IPO8: variants seen among roughly 807,000 people sequenced by gnomAD.
IPO8 encodes the protein importin 8.
Under a neutral mutation model 141.2 loss-of-function variants are expected in IPO8, and 65 were observed. The ratio of observed to expected loss-of-function variants is 0.46; its 90% CI spans 0.38 to 0.57. IPO8 has a LOEUF of 0.57. IPO8 is among the 20% of genes least tolerant of loss of function. The pLI is 0.00. For synonymous variants in IPO8, 411 were observed against 420.3 expected (o/e 0.98, Z 0.27); for missense variants, 980 against 1,246.8 (o/e 0.79, Z 3.22).
chr12:30,692,455 T>A (rs1233044856), intron 1 of IPO8, among the ~76,000 whole-genome samples: 1 of 152,032 alleles, frequency 6.6e-6, no homozygotes, highest in Non-Finnish European at 1.5e-5. Context: ...ACTACTTTAC[T>A]CAGAAATAGT....
Position 30,666,260 on chromosome 12 carries a change from T to A in IPO8, c.1145-9A>T. ...ATAATCTTCAAAAATATCTAAGATTTTAAAAGGTTAAAACCATGTTAGTGA... is the reference window on the plus strand; with the variant it reads ...ATAATCTTCAAAAATATCTAAGATTATAAAAGGTTAAAACCATGTTAGTGA... On this transcript the variant is annotated splice_polypyrimidine_tract_variant and intron_variant, in intron 10 of 24. Transcript: ENST00000256079. The A allele has an allele frequency of 1.3e-6, 2 of 1,544,498 alleles. No individual in the cohort carries two copies. The highest frequency in any genetic ancestry group is 1.8e-6 in the Non-Finnish European group (2 of 1,127,990).
At chr12:30,641,202 C>T (rs117058774) in intron 20 of IPO8, among the ~76,000 whole-genome samples, 2,626 of 152,260 alleles carry the variant, frequency 0.017, 37 homozygotes, top group Non-Finnish European at 0.023. Context: ...TCTCCACATG[C>T]TACTATCAGG....
intron 16 of IPO8, among the ~76,000 whole-genome samples, chr12:30,658,969 C>T (rs1019439468): frequency 2.7e-5 from 4 of 150,458 alleles, no homozygotes; most frequent in Non-Finnish European, 5.9e-5. Context: ...CGAGCTCCGC[C>T]TCCCGGGTTC....
intron 5 of IPO8, 88 bp from the exon 6 acceptor site, chr12:30,676,675 GA>G (rs1447797401): frequency 4.3e-6 from 4 of 920,302 alleles, no homozygotes; most frequent in Non-Finnish European, 7.1e-6. Context: ...TAAAATATAT[GA>G]AAGGGCTAAC....
chr12:30,670,459 T>C (rs188358408), intron 9 of IPO8, among the ~76,000 whole-genome samples: 4 of 152,310 alleles, frequency 2.6e-5, no homozygotes, highest in Admixed American at 2.6e-4. Flanking sequence ...TACTGAATTC[T>C]ACCTTTAGGC....
Position 30,695,676 on chromosome 12 carries a change from G to C in IPO8, c.-29C>G. 1 of 1,596,410 alleles carries C rather than the reference G, an allele frequency of 6.3e-7. No individual in the cohort carries two copies. Among genetic ancestry groups the C allele is most frequent in the Non-Finnish European group, 8.6e-7 (1 of 1,164,516 alleles). On this transcript the variant is annotated 5_prime_UTR_variant, in exon 1 of 25. Transcript: ENST00000256079. This position sits in a 1 kb window ranked among gnomAD's most constrained non-coding sequence, Gnocchi z 4.2. ...CCCGGGTGGGGGCTCCGCGGCCCCC[G>C]GAACAGTAGGCCGGACTGCAGCTTT... is the stretch of plus-strand genomic sequence containing the variant.
At chr12:30,675,333 C>G (rs1431992910) in intron 6 of IPO8, among the ~76,000 whole-genome samples, 1 of 152,198 alleles carries the variant, frequency 6.6e-6, no homozygotes, top group Non-Finnish European at 1.5e-5. Flanking sequence ...AACAGGCATT[C>G]TCAGTCACTG....
rs1457294683 is a variant in IPO8, at chr12:30,662,503, A to C, written c.1595-16T>G. 6.3e-7 allele frequency: 1 copy of C among 1,591,980 alleles called. No individual in the cohort carries two copies. ...TATTCCTTAGCTAATTCAATAAAAC[A>C]AACAAAAGTAATAAAAATTACCATG... On this transcript the variant is annotated splice_polypyrimidine_tract_variant and intron_variant, in intron 14 of 24. Transcript: ENST00000256079.
chr12:30,675,507 C>T (rs767966543), intron 6 of IPO8, among the ~76,000 whole-genome samples: 21 of 151,970 alleles, frequency 1.4e-4, no homozygotes, highest in Non-Finnish European at 2.2e-4. Flanking sequence ...AAAGCCTAAA[C>T]ATCCAGCAAG....
At position 30,634,072 on chromosome 12, in the gene IPO8, T is replaced by C; in HGVS notation, c.2899+11A>G. On this transcript the variant is annotated intron_variant, in intron 23 of 24. Coordinates refer to ENST00000256079, the MANE Select transcript of IPO8 (RefSeq NM_006390.4). Reference sequence around the variant, plus strand: ...AAAAATATCAGAAGATGTGGGGAAGTAAAGACATACTTATCAGAGCTTGTG... The same window carrying C: ...AAAAATATCAGAAGATGTGGGGAAGCAAAGACATACTTATCAGAGCTTGTG... The C allele has an allele frequency of 6.2e-7, 1 of 1,605,478 alleles. No individual in the cohort carries two copies. The highest frequency in any genetic ancestry group is 8.5e-7 in the Non-Finnish European group (1 of 1,172,850).
At chr12:30,668,676 A>C (rs930734655) in intron 10 of IPO8, among the ~76,000 whole-genome samples, 9 of 152,200 alleles carry the variant, frequency 5.9e-5, no homozygotes, top group Non-Finnish European at 1.5e-5. Flanking sequence ...CACCTACACA[A>C]TTCAACAGTT....
At chr12:30,658,419 A>T (rs1001948327) in intron 16 of IPO8, among the ~76,000 whole-genome samples, 1 of 152,176 alleles carries the variant, frequency 6.6e-6, no homozygotes, top group Non-Finnish European at 1.5e-5. Flanking sequence ...ATTTAGCTGA[A>T]GGCTTTAGGT....
Position 30,652,212 on chromosome 12 carries a change from G to C in IPO8, c.2152C>G (p.Leu718Val). The C allele has an allele frequency of 6.3e-7, 1 of 1,581,592 alleles. No individual in the cohort carries two copies. The highest frequency in any genetic ancestry group is 8.7e-7 in the Non-Finnish European group (1 of 1,152,004). Residue 718 changes from leucine (L) to valine (V), a missense_variant, in exon 19 of 25, where the codon CTT (leucine) becomes GTT (valine). By Grantham distance (32) the Leu-to-Val change is conservative. Coordinates refer to ENST00000256079, the MANE Select transcript of IPO8 (RefSeq NM_006390.4). Reference protein sequence around the residue: ...LLSNAKHLEILFTMCRKVLCG... With the variant: ...LLSNAKHLEIVFTMCRKVLCG... ...CTTACCTTCCTACACATTGTAAAAA[G>C]AATTTCTAAATGTTTTGCATTTGAT...
rs1396669773 is a variant in IPO8, at chr12:30,671,096, C to T, written c.910G>A (p.Val304Met). The T allele has an allele frequency of 6.3e-7, 1 of 1,579,276 alleles. No homozygotes were observed. Among genetic ancestry groups the T allele is most frequent in the Non-Finnish European group, 8.7e-7 (1 of 1,149,998 alleles). Residue 304 changes from valine (V) to methionine (M), a missense_variant and splice_region_variant, in exon 9 of 25, where the codon GTG becomes ATG. By Grantham distance (21) the Val-to-Met change is conservative (BLOSUM62 1). This residue lies in a region of IPO8 where 924 missense variants were observed against 1,153.9 expected (regional missense o/e 0.80). Transcript: ENST00000256079. Reference sequence around the variant, plus strand: ...TATTGATCTAAAATTTTTAGTAGCACCTATAAGAAAACAGAAAATACAGAC... The same window carrying T: ...TATTGATCTAAAATTTTTAGTAGCATCTATAAGAAAACAGAAAATACAGAC... ...LKTYAVGIQQ[V>M]LLKILDQYRQ...
Position 30,661,255 on chromosome 12 carries a change from A to C in IPO8, c.1767T>G (p.Phe589Leu). 1 of 1,592,158 alleles carries C rather than the reference A, an allele frequency of 6.3e-7. No individual in the cohort carries two copies. The highest frequency in any genetic ancestry group is 8.5e-7 in the Non-Finnish European group (1 of 1,171,088). ...VDMTQHLAEIFGKVLQSDEYE... is the reference protein window; with the variant it reads ...VDMTQHLAEILGKVLQSDEYE... ...ATTCATCACTTTGAAGAACTTTGCC[A>C]AATATCTCAGCCTATGAAAATAACA... The change falls in exon 16 of 25, where the codon TTT becomes TTG. Residue 589 changes from phenylalanine (F) to leucine (L), a missense_variant. Phe to Leu is a conservative substitution (Grantham distance 22). This residue lies in a region of IPO8 where 924 missense variants were observed against 1,153.9 expected (regional missense o/e 0.80). Transcript: ENST00000256079.
chr12:30,652,835 G>T, intron 18 of IPO8, 132 bp downstream of exon 18: 1 of 843,016 alleles, frequency 1.2e-6, no homozygotes, highest in Non-Finnish European at 1.8e-6. Flanking sequence ...AATAGCCCCA[G>T]CTTTTATGTG....
chr12:30,632,185 G>T (rs887918120), intron 23 of IPO8, among the ~76,000 whole-genome samples, 174 bp from the exon 24 acceptor site: 1 of 152,190 alleles, frequency 6.6e-6, no homozygotes, highest in African/African-American at 2.4e-5. Context: ...TTATTTCTGA[G>T]TACCCACTTA....
intron 1 of IPO8, among the ~76,000 whole-genome samples, chr12:30,692,424 T>A (rs1318951830): frequency 6.6e-6 from 1 of 152,220 alleles, no homozygotes; most frequent in East Asian, 1.9e-4. Context: ...CATTCAGAGA[T>A]ATAGTCAGAT....
intron 16 of IPO8, among the ~76,000 whole-genome samples, chr12:30,660,160 T>C (rs890781397): frequency 6.6e-6 from 1 of 151,936 alleles, no homozygotes; most frequent in African/African-American, 2.4e-5. Flanking sequence ...AAGGTGGAGG[T>C]TGCAGTGAAC....
Sources: gnomAD v4.1 joint callset for allele counts (sites outside exome capture counted in the v4.1 genomes callset) on GRCh38, gnomAD v4.1.1 for gene constraint, gnomAD v4.1.1 regional missense constraint, Gnocchi (gnomAD v3.1) non-coding constraint, MANE v1.5 for transcripts, NCBI Gene and HGNC (gene_info 2026-07-23, HGNC 2026-07-21) for gene names.